Variants in KCNQ1 observed in about 807,000 individuals in gnomAD.
KCNQ1 encodes the protein potassium voltage-gated channel subfamily KQT member 1.
A neutral mutation model predicts 72.4 loss-of-function variants in KCNQ1; 49 were observed. The ratio of observed to expected loss-of-function variants is 0.68; its 90% CI spans 0.54 to 0.86. The LOEUF is 0.86. KCNQ1 is among the 40% of genes least tolerant of loss of function. KCNQ1 has a pLI of 0.00. For synonymous variants in KCNQ1, 450 were observed against 412.6 expected (o/e 1.09, Z -1.10); for missense variants, 790 against 945.1 (o/e 0.84, Z 2.15).
intron 1 of KCNQ1, among the ~76,000 whole-genome samples, chr11:2,467,964 C>T (rs1846376321): frequency 6.6e-6 from 1 of 152,188 alleles, no homozygotes; most frequent in Admixed American, 6.5e-5. Context: ...AGCGTGGGGA[C>T]CTGCCCAGTG....
chr11:2,844,358 G>C (rs1848276524), intron 15 of KCNQ1, among the ~76,000 whole-genome samples: 1 of 152,200 alleles, frequency 6.6e-6, no homozygotes, highest in Non-Finnish European at 1.5e-5. Flanking sequence ...TCTGTCACCA[G>C]CAGCTGGGAT....
intron 11 of KCNQ1, chr11:2,694,434 A>G (rs919812660): frequency 5.0e-6 from 2 of 398,554 alleles, no homozygotes; most frequent in African/African-American, 4.1e-5. Context: ...GGTGCTAAAC[A>G]TCTTACAATA....
At chr11:2,788,315 G>A (rs899555729) in intron 15 of KCNQ1, among the ~76,000 whole-genome samples, 3 of 152,182 alleles carry the variant, frequency 2.0e-5, no homozygotes, top group Non-Finnish European at 4.4e-5. Flanking sequence ...GTTCTTTTCC[G>A]GTTCTCTGCA....
chr11:2,452,937 A>G (rs2133570009), intron 1 of KCNQ1, among the ~76,000 whole-genome samples: 1 of 152,332 alleles, frequency 6.6e-6, no homozygotes. Flanking sequence ...ATCACACACC[A>G]GGATAGACTC....
intron 11 of KCNQ1, chr11:2,675,445 G>GGAAAATGGAAAA: frequency 2.5e-6 from 1 of 398,572 alleles, no homozygotes; most frequent in Non-Finnish European, 4.4e-6. Flanking sequence ...AATAAAAGAT[G>GGAAAATGGAAAA]ATCTGAAAAT....
chr11:2,490,857 TTTTG>T (rs747896025), intron 1 of KCNQ1, among the ~76,000 whole-genome samples: 6 of 151,960 alleles, frequency 3.9e-5, no homozygotes, highest in East Asian at 2.0e-4. Context: ...CCTGGCTAAT[TTTTG>T]TTTGTTTGTT....
intron 1 of KCNQ1, among the ~76,000 whole-genome samples, chr11:2,474,274 G>A (rs1046826717): frequency 3.3e-5 from 5 of 152,086 alleles, no homozygotes; most frequent in African/African-American, 1.2e-4. Flanking sequence ...TGTGGCGCCC[G>A]GGCCACAGCT....
rs1392309886 is a variant in KCNQ1, at chr11:2,762,406, T to TGACATACTTTCACAGGTGCATC, written c.1515-6437_1515-6416dup. Among the ~76,000 whole-genome samples the TGACATACTTTCACAGGTGCATC allele has an allele frequency of 3.3e-5, 5 of 152,332 alleles. No individual in the cohort carries two copies. The highest frequency in any genetic ancestry group is 1.2e-4 in the African/African-American group (5 of 41,586). On this transcript the variant is annotated intron_variant, in intron 11 of 15. Transcript: ENST00000155840. This position sits in a 1 kb window ranked among gnomAD's most constrained non-coding sequence, Gnocchi z 4.3. ...ACCGGTGTGTGGTAAGGATCATGGT[T>TGACATACTTTCACAGGTGCATC]GACATACTTTCACAGGTGCATCCAC...
intron 15 of KCNQ1, among the ~76,000 whole-genome samples, chr11:2,835,488 C>A (rs1313184253): frequency 1.3e-5 from 2 of 152,212 alleles, no homozygotes; most frequent in Non-Finnish European, 2.9e-5. Flanking sequence ...CTAGACATTT[C>A]TGGCCTCTGG....
rs774929745 is a variant in KCNQ1 at position 2,563,099 on chromosome 11, C to T, written c.478-7529C>T. 2.3e-4 allele frequency among the ~76,000 whole-genome samples: 35 copies of T among 152,130 alleles called. No homozygotes were observed. Among genetic ancestry groups the T allele is most frequent in the Non-Finnish European group, 3.8e-4 (26 of 68,010 alleles). ...ATTTCAGGCTGCCCTGTGATCTTTC[C>T]CACGTGATTGATTGACACAGGGACC... On this transcript the variant is annotated intron_variant, in intron 2 of 15. Coordinates refer to ENST00000155840, the MANE Select transcript of KCNQ1 (RefSeq NM_000218.3). The surrounding 1 kb of genome is among the most constrained non-coding windows in gnomAD (Gnocchi z 7.4).
intron 7 of KCNQ1, among the ~76,000 whole-genome samples, chr11:2,584,353 GTA>G (rs1447991026): frequency 1.3e-5 from 2 of 152,066 alleles, no homozygotes; most frequent in African/African-American, 4.8e-5. Flanking sequence ...GTGGGTTAGT[GTA>G]TGTTTTAGTG....
chr11:2,487,431 A>G (rs181419132), intron 1 of KCNQ1, among the ~76,000 whole-genome samples: 280 of 152,314 alleles, frequency 1.8e-3, no homozygotes, highest in African/African-American at 6.5e-3. Context: ...GGATTTTGAG[A>G]GGGATTGCAC....
intron 11 of KCNQ1, chr11:2,666,613 T>A (rs1850073300): frequency 5.0e-6 from 2 of 398,512 alleles, no homozygotes; most frequent in Non-Finnish European, 8.8e-6. Flanking sequence ...AGGGCAAACG[T>A]CACAAGGGTG....
intron 11 of KCNQ1, chr11:2,688,400 T>A (rs1008432987): frequency 5.0e-6 from 2 of 398,650 alleles, no homozygotes; most frequent in African/African-American, 2.1e-5. Context: ...CATCCTTTGC[T>A]GATCCTCTGT....
intron 2 of KCNQ1, among the ~76,000 whole-genome samples, chr11:2,542,833 C>T (rs1847850601): frequency 1.3e-5 from 2 of 152,210 alleles, no homozygotes. Context: ...TCTGTTTATC[C>T]ACTTGTGTGC....
At chr11:2,792,899 G>A (rs1472413738) in intron 15 of KCNQ1, among the ~76,000 whole-genome samples, 2 of 56,194 alleles carry the variant, frequency 3.6e-5, no homozygotes, top group Non-Finnish European at 7.5e-5. Context: ...CCCCCTCCCT[G>A]CCCCCAGTCC....
chr11:2,833,618 C>T (rs752048210), intron 15 of KCNQ1, among the ~76,000 whole-genome samples: 3 of 152,308 alleles, frequency 2.0e-5, no homozygotes, highest in Admixed American at 6.5e-5. Flanking sequence ...CAGGCTTCCC[C>T]GCTTCACTCC....
Position 2,498,961 on chromosome 11 carries a change from C to T in KCNQ1, c.387-28967C>T, listed in dbSNP as rs1379858323. Among the ~76,000 whole-genome samples the T allele has an allele frequency of 1.3e-5, 2 of 152,170 alleles. No homozygotes were observed. Among genetic ancestry groups the T allele is most frequent in the Non-Finnish European group, 2.9e-5 (2 of 68,024 alleles). On this transcript the variant is annotated intron_variant, in intron 1 of 15. Coordinates refer to ENST00000155840, the MANE Select transcript of KCNQ1 (RefSeq NM_000218.3). This position sits in a 1 kb window ranked among gnomAD's most constrained non-coding sequence, Gnocchi z 4.8. ...ATGCAAACTGCATGTTTGCAGTTCC[C>T]TCGGCTGGGGGAGGGAGGTCTCCCG...
In KCNQ1 at chr11:2,789,467, G is replaced by A. The variant is rs181964640; in HGVS notation, c.1794+11430G>A. ...GTATATACTGAGACACCTCGACGCCGCAGCCCCAGTGCCCGCCACAGACGA... is the reference window on the plus strand; with the variant it reads ...GTATATACTGAGACACCTCGACGCCACAGCCCCAGTGCCCGCCACAGACGA... On this transcript the variant is annotated intron_variant, in intron 15 of 15. Transcript: ENST00000155840. Among the ~76,000 whole-genome samples, 651 of 152,326 alleles carry A rather than the reference G, an allele frequency of 4.3e-3. 5 individuals are homozygous for A. The highest frequency in any genetic ancestry group is 7.6e-3 in the Non-Finnish European group (515 of 68,030).
Sources: gnomAD v4.1 joint callset for allele counts (sites outside exome capture counted in the v4.1 genomes callset) on GRCh38, gnomAD v4.1.1 for gene constraint, Gnocchi (gnomAD v3.1) non-coding constraint, MANE v1.5 for transcripts, NCBI Gene and HGNC (gene_info 2026-07-23, HGNC 2026-07-21) for gene names.